NLGN1: variants seen among roughly 807,000 people sequenced by gnomAD.
NLGN1 encodes neuroligin 1.
In NLGN1, 12 loss-of-function variants were observed where a neutral mutation model predicts 65.5. The observed-to-expected ratio is 0.18, with a 90% CI of 0.12 to 0.30. The LOEUF (loss-of-function observed/expected upper bound fraction) is 0.30, where lower values mean the gene tolerates loss of function less well. Ranked by LOEUF, NLGN1 falls within the 10% of genes least tolerant of loss-of-function variation. The pLI is 1.00. For synonymous variants in NLGN1, 350 were observed against 359.5 expected, an observed-to-expected ratio of 0.97 and a Z score of 0.30; for missense variants, 750 against 1,007.1, an observed-to-expected ratio of 0.74 and a Z score of 3.46.
chr3:174,183,258 T>A (rs1048459880), intron 4 of NLGN1, among the ~76,000 whole-genome samples: 1 of 152,154 alleles, frequency 6.6e-6, no homozygotes, highest in Middle Eastern at 3.2e-3. Context: ...GGCAGAGTTA[T>A]GTATTTCAAC....
intron 4 of NLGN1, among the ~76,000 whole-genome samples, chr3:173,999,333 T>A (rs943181294): frequency 8.6e-5 from 13 of 151,306 alleles, no homozygotes; most frequent in Non-Finnish European, 1.3e-4. Context: ...GAGATGATAT[T>A]TTTTTTTTCC....
At chr3:174,212,512 A>G (rs929424017) in intron 4 of NLGN1, among the ~76,000 whole-genome samples, 6 of 152,222 alleles carry the variant, frequency 3.9e-5, no homozygotes, top group African/African-American at 1.4e-4. Context: ...GGCTCTGAGG[A>G]CTGCCAGCAT....
At chr3:173,436,964 A>G (rs748303125) in intron 2 of NLGN1, among the ~76,000 whole-genome samples, 3 of 152,140 alleles carry the variant, frequency 2.0e-5, no homozygotes, top group Non-Finnish European at 4.4e-5. Flanking sequence ...TGGTGCTGCA[A>G]TGTTCCTTTT....
Position 174,110,626 on chromosome 3 carries a change from C to G in NLGN1, c.647-164689C>G, listed in dbSNP as rs574055396. ...TGCATAGTGGGTACTTAAAAATATTCCAATGTACAAAGAAGTAAATAATGA... is the reference window on the plus strand; with the variant it reads ...TGCATAGTGGGTACTTAAAAATATTGCAATGTACAAAGAAGTAAATAATGA... On this transcript the variant is annotated intron_variant, in intron 4 of 6. Transcript: ENST00000457714. Among the ~76,000 whole-genome samples the G allele has an allele frequency of 2.0e-5, 3 of 151,866 alleles. No individual in the cohort carries two copies. The South Asian group carries it at 6.2e-4, about 32-fold the overall frequency.
At chr3:173,745,058 G>C (rs1414443274) in intron 3 of NLGN1, among the ~76,000 whole-genome samples, 1 of 152,060 alleles carries the variant, frequency 6.6e-6, no homozygotes, top group Non-Finnish European at 1.5e-5. Context: ...TCCCTAACCA[G>C]AACTGATGAG....
chr3:174,015,165 A>G (rs1726300887), intron 4 of NLGN1, among the ~76,000 whole-genome samples: 1 of 152,132 alleles, frequency 6.6e-6, no homozygotes, highest in Non-Finnish European at 1.5e-5. Flanking sequence ...TTTTAATTTT[A>G]TGGTTATCAG....
chr3:174,239,035 A>G (rs1463667585), intron 4 of NLGN1, among the ~76,000 whole-genome samples: 1 of 151,846 alleles, frequency 6.6e-6, no homozygotes, highest in Non-Finnish European at 1.5e-5. Flanking sequence ...GCAGAATAAT[A>G]TATTGCCTAG....
rs2149446677 is a variant in NLGN1 at position 173,604,269 on chromosome 3, T to C, written c.-320-10T>C. 1 of 265,802 alleles carries C rather than the reference T, an allele frequency of 3.8e-6. No individual in the cohort carries two copies. Among genetic ancestry groups the C allele is most frequent in the South Asian group, 7.6e-5 (1 of 13,164 alleles). The allele number at this position is 265,802 out of a possible 1,614,324, so 16.5% of individuals were successfully genotyped here. A position where few individuals can be genotyped will look rare whatever the true frequency, so the allele number is the denominator to read the frequency against. ...TGTTCCAGCTCATGATTTATTTTCA[T>C]TTTTTCTAGGATATAGACCTGCAGC... On this transcript the variant is annotated splice_polypyrimidine_tract_variant and intron_variant, in intron 2 of 6. Transcript: ENST00000457714.
chr3:173,589,339 C>T (rs953582135), intron 2 of NLGN1, among the ~76,000 whole-genome samples: 3 of 152,108 alleles, frequency 2.0e-5, no homozygotes, highest in African/African-American at 7.2e-5. Context: ...CTACATATGC[C>T]TACAATTAGA....
intron 3 of NLGN1, among the ~76,000 whole-genome samples, chr3:173,675,017 G>A (rs1762932575): frequency 6.6e-6 from 1 of 151,934 alleles, no homozygotes; most frequent in Non-Finnish European, 1.5e-5. Flanking sequence ...CAGTGTGGTA[G>A]CATTATTTTT....
chr3:173,531,922 A>G (rs13316001), intron 2 of NLGN1, among the ~76,000 whole-genome samples: 1 of 151,988 alleles, frequency 6.6e-6, no homozygotes, highest in Non-Finnish European at 1.5e-5. Context: ...GTTTTCTCTT[A>G]TTAAGTTTCC....
chr3:173,788,833 TAAAAAAAAAAAAAAAAA>T (rs3979635), intron 3 of NLGN1, among the ~76,000 whole-genome samples: 1 of 53,488 alleles, frequency 1.9e-5, no homozygotes, highest in Non-Finnish European at 3.5e-5. Context: ...AGACCTCATT[TAAAAAAAAAAAAAAAAA>T]AAAAAAAAAA....
intron 1 of NLGN1, among the ~76,000 whole-genome samples, chr3:173,434,828 G>A (rs189161000): frequency 4.0e-4 from 61 of 152,342 alleles, no homozygotes; most frequent in Admixed American, 3.3e-3. Context: ...CCAAATAATG[G>A]TTGTTGTTGG....
chr3:174,152,397 CAA>C (rs923537247), intron 4 of NLGN1, among the ~76,000 whole-genome samples: 1 of 151,624 alleles, frequency 6.6e-6, no homozygotes, highest in Non-Finnish European at 1.5e-5. Flanking sequence ...TTTAAAAATA[CAA>C]AAAAACAAAC....
intron 4 of NLGN1, among the ~76,000 whole-genome samples, chr3:174,264,288 G>T (rs1431625038): frequency 3.5e-4 from 53 of 150,810 alleles, no homozygotes; most frequent in African/African-American, 1.3e-3. Flanking sequence ...TTTCCAACTT[G>T]GTTCCATTCT....
intron 4 of NLGN1, among the ~76,000 whole-genome samples, chr3:173,961,959 C>T (rs1414509824): frequency 6.6e-6 from 1 of 151,964 alleles, no homozygotes; most frequent in Non-Finnish European, 1.5e-5. Context: ...ATCTTTTCTG[C>T]TTCCTGCTTC....
intron 4 of NLGN1, among the ~76,000 whole-genome samples, chr3:173,947,212 G>A (rs1450709385): frequency 6.6e-6 from 1 of 151,942 alleles, no homozygotes; most frequent in Non-Finnish European, 1.5e-5. Flanking sequence ...AGTAGAGACA[G>A]GGTTTCTCCA....
chr3:174,022,353 C>G (rs1001593299), intron 4 of NLGN1, among the ~76,000 whole-genome samples: 1 of 152,070 alleles, frequency 6.6e-6, no homozygotes, highest in Non-Finnish European at 1.5e-5. Context: ...CAAAATGCCT[C>G]TTGGTAATGA....
At chr3:173,563,346 C>T (rs1743088917) in intron 2 of NLGN1, among the ~76,000 whole-genome samples, 1 of 152,140 alleles carries the variant, frequency 6.6e-6, no homozygotes, top group African/African-American at 2.4e-5. Context: ...TTGAGAGATG[C>T]CCCATCCTCA....
Sources: allele counts gnomAD v4.1 joint callset (sites outside exome capture counted in the v4.1 genomes callset), GRCh38; gene constraint gnomAD v4.1.1; transcripts MANE v1.5; gene names NCBI Gene and HGNC (gene_info 2026-07-23, HGNC 2026-07-21).